Variants in GLIS3 observed in about 807,000 individuals in gnomAD.
The protein encoded by GLIS3 is GLIS family zinc finger 3, also known as zinc finger protein GLIS3.
GLIS3 carries 53 observed loss-of-function variants against 78.6 expected under a neutral mutation model. The ratio of observed to expected loss-of-function variants is 0.67; its 90% CI spans 0.54 to 0.85. GLIS3 has a LOEUF of 0.85. GLIS3 is among the 40% of genes least tolerant of loss of function. GLIS3 has a pLI of 0.00. For missense variants in GLIS3, 1,703 were observed against 1,231.1 expected (o/e 1.38, Z -5.74); for synonymous variants, 684 against 509.9 (o/e 1.34, Z -4.60).
At chr9:4,370,591 G>A in the GLIS3 span, among the ~76,000 whole-genome samples, 2 of 152,218 alleles carry the variant, frequency 1.3e-5, no homozygotes, top group East Asian at 1.9e-4. Context: ...GCCTCGTGTG[G>A]AAGGACAGAA....
rs568014970 is a variant in GLIS3 at position 4,011,180 on chromosome 9, G to A, written c.1711-73991C>T. ...CATGCCAGTTTTATGCATAGGAAGC[G>A]CTACAGCAGATGTTCAAATAAATAA... On this transcript the variant is annotated intron_variant, in intron 4 of 10. Transcript: ENST00000381971. 3.9e-5 allele frequency among the ~76,000 whole-genome samples: 6 copies of A among 152,176 alleles called. No individual in the cohort carries two copies. In the South Asian group the frequency reaches 6.2e-4, roughly 16 times the overall value.
At chr9:4,293,199 T>TA (rs1235599485) in intron 1 of GLIS3, among the ~76,000 whole-genome samples, 1 of 152,206 alleles carries the variant, frequency 6.6e-6, no homozygotes, top group African/African-American at 2.4e-5. Context: ...TTTGCAAGGC[T>TA]AAAAAATCAC....
At chr9:4,265,936 G>T (rs10217184) in intron 2 of GLIS3, among the ~76,000 whole-genome samples, 36,254 of 148,446 alleles carry the variant, frequency 0.24, 5,211 homozygotes, top group Non-Finnish European at 0.31. Context: ...TTGTTTGTTT[G>T]GAGACGGAGT....
intron 4 of GLIS3, among the ~76,000 whole-genome samples, chr9:4,040,418 C>A (rs631346): frequency 0.29 from 43,950 of 151,980 alleles, 7,409 homozygotes; most frequent in East Asian, 0.58. Context: ...CCCAAAGTCT[C>A]TTTCAATAAC....
intron 4 of GLIS3, among the ~76,000 whole-genome samples, chr9:4,067,833 A>T (rs1827234820): frequency 6.6e-6 from 1 of 152,110 alleles, no homozygotes; most frequent in Non-Finnish European, 1.5e-5. Context: ...ACCAGCAAAG[A>T]ACAGATTGAT....
At chr9:3,915,400 C>T (rs1292930045) in intron 6 of GLIS3, among the ~76,000 whole-genome samples, 4 of 152,066 alleles carry the variant, frequency 2.6e-5, no homozygotes, top group Non-Finnish European at 5.9e-5. Context: ...TTCCATCTCA[C>T]AAGCACTGTC....
At chr9:4,174,193 A>C (rs1428679877) in intron 2 of GLIS3, among the ~76,000 whole-genome samples, 4 of 152,196 alleles carry the variant, frequency 2.6e-5, no homozygotes, top group East Asian at 3.8e-4. Context: ...GCAAAAGATA[A>C]AGCAATAACA....
intron 9 of GLIS3, among the ~76,000 whole-genome samples, chr9:3,834,413 C>T (rs1013553152): frequency 3.9e-5 from 6 of 152,210 alleles, no homozygotes; most frequent in African/African-American, 7.2e-5. Context: ...ACAGTAGCTA[C>T]ATGTGGTTAT....
intron 4 of GLIS3, among the ~76,000 whole-genome samples, chr9:4,044,059 T>C (rs571294745): frequency 1.3e-5 from 2 of 152,194 alleles, no homozygotes; most frequent in African/African-American, 4.8e-5. Context: ...ACCAATAGGG[T>C]CCGGCACAGA....
chr9:4,173,322 G>C (rs1816530208), intron 2 of GLIS3, among the ~76,000 whole-genome samples: 1 of 152,096 alleles, frequency 6.6e-6, no homozygotes. Flanking sequence ...TCAAGCTTCA[G>C]GTGGCAAATA....
At chr9:4,432,353 A>T in the GLIS3 span, among the ~76,000 whole-genome samples, 1 of 152,180 alleles carries the variant, frequency 6.6e-6, no homozygotes, top group Non-Finnish European at 1.5e-5. Context: ...GGATCTTAAC[A>T]AACAGAAGTG....
intron 6 of GLIS3, among the ~76,000 whole-genome samples, chr9:3,901,633 G>C (rs1310568273): frequency 4.6e-5 from 7 of 152,162 alleles, no homozygotes; most frequent in Non-Finnish European, 8.8e-5. Flanking sequence ...AGAGACAAAT[G>C]CATGTCCAGG....
intron 4 of GLIS3, among the ~76,000 whole-genome samples, chr9:4,079,766 A>C (rs7033281): frequency 0.26 from 38,826 of 151,136 alleles, 5,315 homozygotes; most frequent in African/African-American, 0.35. Context: ...AAAAGAAAAA[A>C]GAAAACCTAC....
Position 4,196,000 on chromosome 9 carries a change from G to C in GLIS3, c.389-70059C>G, listed in dbSNP as rs1034263668. On this transcript the variant is annotated intron_variant, in intron 2 of 10. Coordinates refer to ENST00000381971, the MANE Select transcript of GLIS3 (RefSeq NM_001042413.2). ...TCAAGGTTTGTAAATGCACCTATCA[G>C]TGCTCTGTGTCTAGCTAATCTAGTG... Among the ~76,000 whole-genome samples the C allele has an allele frequency of 1.4e-4, 22 of 151,916 alleles. 1 individual carries two copies. The highest frequency in any genetic ancestry group is 1.3e-3 in the Admixed American group (20 of 15,280).
At chr9:4,037,547 A>ACACACACAC (rs1554677924) in intron 4 of GLIS3, among the ~76,000 whole-genome samples, 2 of 147,486 alleles carry the variant, frequency 1.4e-5, no homozygotes, top group Admixed American at 1.3e-4. Context: ...GTGTGCACAC[A>ACACACACAC]ACACACACAC....
intron 1 of GLIS3, among the ~76,000 whole-genome samples, chr9:4,296,517 G>C (rs1415061558): frequency 1.3e-5 from 2 of 152,146 alleles, no homozygotes; most frequent in Admixed American, 6.5e-5. Context: ...TATTTGAAGT[G>C]ATGATCACTT....
In GLIS3 at chr9:3,828,309, CA is replaced by C. The variant is rs765558063; in HGVS notation, c.2755del (p.Cys919ValfsTer67). On this transcript the variant is annotated frameshift_variant, in exon 11 of 11. Transcript: ENST00000381971. LOFTEE classifies it high-confidence loss of function. ...TFLQISTVDRCPSQLSSVYTE... is the reference protein window; with the variant it reads ...TFLQISTVDRXPSQLSSVYTE... Reference sequence around the variant, plus strand: ...GTAGACAGAGGAGAGCTGGCTAGGACAGCGGTCCACGGTGCTGATCTGCAAG... The same window carrying C: ...GTAGACAGAGGAGAGCTGGCTAGGACGCGGTCCACGGTGCTGATCTGCAAG... 287 of 1,613,978 alleles carry C rather than the reference CA, an allele frequency of 1.8e-4. No homozygotes were observed. Among genetic ancestry groups the C allele is most frequent in the Non-Finnish European group, 2.3e-4 (266 of 1,180,024 alleles).
intron 2 of GLIS3, among the ~76,000 whole-genome samples, chr9:4,169,187 A>G (rs1430566149): frequency 6.6e-6 from 1 of 152,170 alleles, no homozygotes; most frequent in African/African-American, 2.4e-5. Flanking sequence ...TATCTCATAA[A>G]TGAGACCTCT....
At chr9:4,374,100 T>C in the GLIS3 span, among the ~76,000 whole-genome samples, 1 of 152,214 alleles carries the variant, frequency 6.6e-6, no homozygotes, top group African/African-American at 2.4e-5. Context: ...ACGAAATCTG[T>C]CCACCTGTAT....
Sources: gnomAD v4.1 joint callset for allele counts (sites outside exome capture counted in the v4.1 genomes callset) on GRCh38, gnomAD v4.1.1 for gene constraint, MANE v1.5 for transcripts, NCBI Gene and HGNC (gene_info 2026-07-23, HGNC 2026-07-21) for gene names.